RBPMS: variants seen among roughly 807,000 people sequenced by gnomAD.
RBPMS encodes RNA-binding protein with multiple splicing.
A neutral mutation model predicts 26.8 loss-of-function variants in RBPMS; 7 were observed. The ratio of observed to expected loss-of-function variants is 0.26; its 90% CI spans 0.15 to 0.49. The LOEUF (loss-of-function observed/expected upper bound fraction) is 0.49. RBPMS is among the 20% of genes least tolerant of loss of function. The pLI is 0.98. For missense variants in RBPMS, 186 were observed against 250.0 expected (o/e 0.74, Z 1.73); for synonymous variants, 96 against 93.3 (o/e 1.03, Z -0.17).
intron 5 of RBPMS, 67 bp downstream of exon 5, chr8:30,504,503 G>T: frequency 6.7e-7 from 1 of 1,498,010 alleles, no homozygotes; most frequent in African/African-American, 1.4e-5. Flanking sequence ...TGCATGTGAG[G>T]TTACACCATG....
intron 5 of RBPMS, among the ~76,000 whole-genome samples, chr8:30,542,884 C>G (rs1825530803): frequency 6.6e-6 from 1 of 152,196 alleles, no homozygotes. Context: ...CTACAGGCAC[C>G]TACACACCCT....
chr8:30,560,434 G>A (rs991183053), intron 7 of RBPMS, among the ~76,000 whole-genome samples: 3 of 152,272 alleles, frequency 2.0e-5, no homozygotes, highest in Middle Eastern at 3.4e-3. Context: ...TCATAGCCCA[G>A]CAGCCACCTG....
intron 5 of RBPMS, among the ~76,000 whole-genome samples, chr8:30,544,026 T>C (rs984562882): frequency 6.6e-6 from 1 of 152,238 alleles, no homozygotes. Context: ...ATAGTAATTA[T>C]GCCAATAAAC....
intron 1 of RBPMS, among the ~76,000 whole-genome samples, chr8:30,447,244 A>G (rs1222860910): frequency 6.6e-6 from 1 of 152,144 alleles, no homozygotes; most frequent in Non-Finnish European, 1.5e-5. Context: ...ATATCCCCCA[A>G]TATGGAAAAA....
rs368160495 is a variant in RBPMS, at chr8:30,385,142, A to G, written c.50A>G (p.Asn17Ser). The G allele has an allele frequency of 1.4e-5, 21 of 1,523,286 alleles. No individual in the cohort carries two copies. Among genetic ancestry groups the G allele is most frequent in the Non-Finnish European group, 1.7e-5 (19 of 1,136,474 alleles). The allele number at this position is 1,523,286 out of a possible 1,614,324, so 94.4% of individuals were successfully genotyped here. ...AEKENTPSEA[N>S]LQEEEVRTLF... ...AAGGAGAACACCCCGAGCGAGGCCA[A>G]CCTTCAGGAGGAGGAGGTACTGGGC... The change falls in exon 1 of 9, where the codon AAC (asparagine) becomes AGC (serine). Residue 17 changes from asparagine to serine, a missense_variant. This residue lies in a region of RBPMS where 38 missense variants were observed against 27.8 expected (regional missense o/e 1.37). Coordinates refer to ENST00000397323, the MANE Select transcript of RBPMS (RefSeq NM_001008710.3).
intron 7 of RBPMS, chr8:30,563,938 C>T (rs3779641): frequency 0.28 from 43,346 of 152,202 alleles, 6,275 homozygotes; most frequent in Middle Eastern, 0.35. Flanking sequence ...AGGCTACTAA[C>T]GCCGTAACTG....
intron 5 of RBPMS, among the ~76,000 whole-genome samples, chr8:30,534,247 C>A (rs1447925638): frequency 6.6e-6 from 1 of 152,154 alleles, no homozygotes; most frequent in Non-Finnish European, 1.5e-5. Context: ...AGATTTGTAT[C>A]CCTCTACCTA....
intron 8 of RBPMS, among the ~76,000 whole-genome samples, chr8:30,568,986 T>G (rs1828084304): frequency 6.7e-6 from 1 of 149,848 alleles, no homozygotes; most frequent in African/African-American, 2.5e-5. Flanking sequence ...TCCCTTCAGA[T>G]TAGCCCTCCT....
chr8:30,544,797 G>A (rs769391500), intron 6 of RBPMS, 173 bp downstream of exon 6: 32 of 1,569,560 alleles, frequency 2.0e-5, no homozygotes, highest in African/African-American at 4.0e-5. Context: ...GACGAGGATC[G>A]TCTGACAGCA....
chr8:30,526,780 GA>G (rs1823636199), intron 5 of RBPMS, among the ~76,000 whole-genome samples: 2 of 152,314 alleles, frequency 1.3e-5, no homozygotes, highest in African/African-American at 4.8e-5. Flanking sequence ...AAGGAAATGG[GA>G]ATGCTAGATT....
chr8:30,544,157 G>A (rs1825664677), intron 5 of RBPMS, among the ~76,000 whole-genome samples: 2 of 152,212 alleles, frequency 1.3e-5, no homozygotes, highest in African/African-American at 4.8e-5. Flanking sequence ...CTTTTCCTCA[G>A]AGGGTCGCAT....
chr8:30,464,646 C>T (rs1343330589), intron 1 of RBPMS, among the ~76,000 whole-genome samples: 1 of 152,156 alleles, frequency 6.6e-6, no homozygotes, highest in African/African-American at 2.4e-5. Flanking sequence ...TGACCATGAA[C>T]TCTGTGTTGT....
At chr8:30,512,185 A>G (rs1490674056) in intron 5 of RBPMS, among the ~76,000 whole-genome samples, 1 of 152,052 alleles carries the variant, frequency 6.6e-6, no homozygotes, top group African/African-American at 2.4e-5. Flanking sequence ...GAGTACAAGC[A>G]CATACCATAC....
chr8:30,539,960 T>C (rs905425161), intron 5 of RBPMS, among the ~76,000 whole-genome samples: 4 of 152,182 alleles, frequency 2.6e-5, no homozygotes, highest in Admixed American at 2.6e-4. Context: ...TCTTATAATA[T>C]GGTGGTAGAC....
At chr8:30,558,721 C>T in intron 6 of RBPMS, 166 bp from the exon 7 acceptor site, 1 of 694,876 alleles carries the variant, frequency 1.4e-6, no homozygotes, top group Non-Finnish European at 2.6e-6. Flanking sequence ...CCTCTCAGGA[C>T]ACCGCTCTGA....
At chr8:30,433,767 C>T (rs781674202) in intron 1 of RBPMS, among the ~76,000 whole-genome samples, 7 of 152,170 alleles carry the variant, frequency 4.6e-5, no homozygotes, top group Non-Finnish European at 1.0e-4. Flanking sequence ...CCACCTGGTA[C>T]ATAGTAGGAA....
At chr8:30,435,981 T>C (rs1462041170) in intron 1 of RBPMS, among the ~76,000 whole-genome samples, 1 of 152,128 alleles carries the variant, frequency 6.6e-6, no homozygotes, top group African/African-American at 2.4e-5. Flanking sequence ...CTGGTTAGAT[T>C]ATTTAAATTA....
At chr8:30,444,997 C>T (rs2150721893) in intron 1 of RBPMS, 1 of 152,126 alleles carries the variant, frequency 6.6e-6, no homozygotes, top group South Asian at 2.1e-4. Context: ...AACTTAAATG[C>T]TTCTAAGATT....
At chr8:30,544,875 A>T (rs973028071) in intron 6 of RBPMS, 1 of 1,501,778 alleles carries the variant, frequency 6.7e-7, no homozygotes, top group Non-Finnish European at 8.9e-7. Flanking sequence ...ATCTCACCTC[A>T]TATCGCACAT....
Sources: allele counts gnomAD v4.1 joint callset (sites outside exome capture counted in the v4.1 genomes callset), GRCh38; gene constraint gnomAD v4.1.1; regional missense constraint gnomAD v4.1.1; transcripts MANE v1.5; gene names NCBI Gene and HGNC (gene_info 2026-07-23, HGNC 2026-07-21).